VHL: variants seen among roughly 807,000 people sequenced by gnomAD.
The protein encoded by VHL is von Hippel-Lindau disease tumor suppressor.
In VHL, 10 loss-of-function variants were observed where a neutral mutation model predicts 19.2. The ratio of observed to expected loss-of-function variants is 0.52; its 90% confidence interval spans 0.32 to 0.89. The LOEUF (loss-of-function observed/expected upper bound fraction) is 0.89, where lower values mean the gene tolerates loss of function less well. VHL is among the 40% of genes least tolerant of loss of function. The pLI, the probability that VHL is intolerant of heterozygous loss-of-function variation, is 0.03. For missense variants in VHL, 328 were observed against 292.7 expected (o/e 1.12, Z -0.88); for synonymous variants, 167 against 129.5 (o/e 1.29, Z -1.97).
chr3:10,144,241 A>C (rs1425196249), intron 1 of VHL, among the ~76,000 whole-genome samples: 2 of 151,722 alleles, frequency 1.3e-5, no homozygotes, highest in African/African-American at 4.8e-5. Context: ...CTGAGGCAGG[A>C]GGATTTCTTG....
At position 10,152,739 on chromosome 3, in the gene VHL, C is replaced by T. The variant is rs2930789; in HGVS notation, c.*2774C>T. 6.6e-6 allele frequency among the ~76,000 whole-genome samples: 1 copy of T among 151,656 alleles called. No individual in the cohort carries two copies. Among genetic ancestry groups the T allele is most frequent in the East Asian group, 2.0e-4 (1 of 5,000 alleles). On this transcript the variant is annotated 3_prime_UTR_variant, in exon 3 of 3. Transcript: ENST00000256474. ...TCTCCTGACCTTGTGATCCACCCAC[C>T]TCAGCCTCCCAAAGTGCTGGGATTA...
chr3:10,150,449 G>A lies in VHL; in HGVS notation c.*484G>A. 2.3e-6 allele frequency: 2 copies of A among 854,266 alleles called. No individual in the cohort carries two copies. Among genetic ancestry groups the A allele is most frequent in the Non-Finnish European group, 3.1e-6 (2 of 655,282 alleles). 52.9% of individuals were successfully genotyped at this position (854,266 alleles called of 1,614,324 possible). A position where few individuals can be genotyped will look rare whatever the true frequency, so the allele number is the denominator to read the frequency against. Reference sequence around the variant, plus strand: ...TCTTTCTCCTCTTTGAGACCCCAGTGCCTGCACATCATGAGCCTTCAGTCA... The same window carrying A: ...TCTTTCTCCTCTTTGAGACCCCAGTACCTGCACATCATGAGCCTTCAGTCA... On this transcript the variant is annotated 3_prime_UTR_variant, in exon 3 of 3. Transcript: ENST00000256474.
At chr3:10,147,864 G>A (rs1020771468) in intron 2 of VHL, among the ~76,000 whole-genome samples, 1 of 152,036 alleles carries the variant, frequency 6.6e-6, no homozygotes, top group African/African-American at 2.4e-5. Context: ...GGCTATGGCG[G>A]GAGGGTCGCT....
At chr3:10,142,223 A>G in intron 1 of VHL, 36 bp downstream of exon 1, 1 of 1,582,552 alleles carries the variant, frequency 6.3e-7, no homozygotes, top group Non-Finnish European at 8.5e-7. Context: ...CCCAGCAGGG[A>G]CGATAGCACG....
chr3:10,152,270 G>C lies in VHL; in HGVS notation c.*2305G>C, dbSNP rs1172793507. The C allele has an allele frequency of 6.5e-6, 1 of 152,700 alleles. No homozygotes were observed. The allele number at this position is 152,700 out of a possible 1,614,324, so 9.5% of individuals were successfully genotyped here. A position where few individuals can be genotyped will look rare whatever the true frequency, so the allele number is the denominator to read the frequency against. The stretch of plus-strand genomic sequence containing the variant: ...TGTAATCCTAGCTACTCAGGAGGCT[G>C]AGGCAGGAGAATCACTTGAACCCAG... On this transcript the variant is annotated 3_prime_UTR_variant, in exon 3 of 3. Coordinates refer to ENST00000256474, the MANE Select transcript of VHL (RefSeq NM_000551.4).
rs564788050 is a variant in VHL at position 10,152,369 on chromosome 3, CA to C, written c.*2419del. The stretch of plus-strand genomic sequence containing the variant: ...GTGTGACAGAGCAATACTCTTGTCT[CA>C]AAAAAAAAAAAAAATTCAAATCAGA... On this transcript the variant is annotated 3_prime_UTR_variant, in exon 3 of 3. Coordinates refer to ENST00000256474, the MANE Select transcript of VHL (RefSeq NM_000551.4). 0.028 allele frequency: 2,992 copies of C among 107,898 alleles called. 24 individuals carry two copies. The highest frequency in any genetic ancestry group is 0.056 in the Middle Eastern group (10 of 180). 6.7% of individuals were successfully genotyped at this position (107,898 alleles called of 1,614,324 possible).
rs1166910853 is a variant in VHL at position 10,146,542 on chromosome 3, G to T, written c.369G>T (p.Gly123=). ...ACCTTTGGCTCTTCAGAGATGCAGG[G>T]ACACACGATGGGCTTCTGGTTAACC... ...RGHLWLFRDA[G]THDGLLVNQT... Residue 123 remains glycine, a synonymous_variant, in exon 2 of 3, where the codon GGG becomes GGT. Coordinates refer to ENST00000256474, the MANE Select transcript of VHL (RefSeq NM_000551.4). 3 of 1,614,010 alleles carry T rather than the reference G, an allele frequency of 1.9e-6. No homozygotes were observed. The South Asian group carries it at 3.3e-5, about 18-fold the overall frequency.
chr3:10,148,701 CAG>C (rs1262477081), intron 2 of VHL, among the ~76,000 whole-genome samples: 6 of 135,646 alleles, frequency 4.4e-5, no homozygotes, highest in African/African-American at 1.7e-4. Context: ...TTTTTTGAGA[CAG>C]AGTCTCACTG....
chr3:10,153,195 A>G lies in VHL; in HGVS notation c.*3230A>G, dbSNP rs1696459261. The stretch of plus-strand genomic sequence containing the variant: ...CGAGAGCCTGAGGCAGGAGAATGGC[A>G]TGAACCTGGAAGGCGGAGCTTGCAG... On this transcript the variant is annotated 3_prime_UTR_variant, in exon 3 of 3. Coordinates refer to ENST00000256474, the MANE Select transcript of VHL (RefSeq NM_000551.4). Among the ~76,000 whole-genome samples, 1 of 152,040 alleles carries G rather than the reference A, an allele frequency of 6.6e-6. No homozygotes were observed. Among genetic ancestry groups the G allele is most frequent in the Non-Finnish European group, 1.5e-5 (1 of 67,984 alleles).
At chr3:10,149,722 C>T (rs1035936860) in intron 2 of VHL, 65 bp from the exon 3 acceptor site, 2 of 1,431,162 alleles carry the variant, frequency 1.4e-6, no homozygotes, top group African/African-American at 2.8e-5. Context: ...TTGGCAAAGC[C>T]TCTTGTTCGT....
At chr3:10,147,579 G>T (rs1696293029) in intron 2 of VHL, among the ~76,000 whole-genome samples, 2 of 150,168 alleles carry the variant, frequency 1.3e-5, no homozygotes, top group Admixed American at 1.3e-4. Context: ...TGGCCAGGCT[G>T]ATCTTGAACT....
rs1304411472 is a variant in VHL, at chr3:10,150,663, C to G, written c.*698C>G. 1 of 234,848 alleles carries G rather than the reference C, an allele frequency of 4.3e-6. No individual in the cohort carries two copies. Among genetic ancestry groups the G allele is most frequent in the South Asian group, 1.8e-4 (1 of 5,686 alleles). 14.5% of individuals were successfully genotyped at this position (234,848 alleles called of 1,614,324 possible). A position where few individuals can be genotyped will look rare whatever the true frequency, so the allele number is the denominator to read the frequency against. The stretch of plus-strand genomic sequence containing the variant: ...AAGTCGTGCACTTTCTCGGTCCACT[C>G]TTGTTGAAGTGCTGTTTTATTACTG... On this transcript the variant is annotated 3_prime_UTR_variant, in exon 3 of 3. Coordinates refer to ENST00000256474, the MANE Select transcript of VHL (RefSeq NM_000551.4).
rs553552844 is a variant in VHL at position 10,152,637 on chromosome 3, C to T, written c.*2672C>T. On this transcript the variant is annotated 3_prime_UTR_variant, in exon 3 of 3. Coordinates refer to ENST00000256474, the MANE Select transcript of VHL (RefSeq NM_000551.4). ...CCTCCTGAGTAGCTGGGATTACAGG[C>T]GCCTGCCACCATGCCTGGCTAATTT... Among the ~76,000 whole-genome samples, 2 of 150,974 alleles carry T rather than the reference C, an allele frequency of 1.3e-5. No individual in the cohort carries two copies. The highest frequency in any genetic ancestry group is 6.6e-5 in the Admixed American group (1 of 15,146).
At position 10,150,363 on chromosome 3, in the gene VHL, G is replaced by T. The variant is rs1348824962; in HGVS notation, c.*398G>T. 1 of 1,223,494 alleles carries T rather than the reference G, an allele frequency of 8.2e-7. No homozygotes were observed. Among genetic ancestry groups the T allele is most frequent in the African/African-American group, 1.5e-5 (1 of 65,472 alleles). 75.8% of individuals were successfully genotyped at this position (1,223,494 alleles called of 1,614,324 possible). A position where few individuals can be genotyped will look rare whatever the true frequency, so the allele number is the denominator to read the frequency against. On this transcript the variant is annotated 3_prime_UTR_variant, in exon 3 of 3. Coordinates refer to ENST00000256474, the MANE Select transcript of VHL (RefSeq NM_000551.4). ...ATACATCCATTCTACATCCGTAGCG[G>T]TTGGTGACTTGTCTGCCTCCTGCTT...
rs1553619344 is a variant in VHL at position 10,141,955 on chromosome 3, G to A, written c.108G>A (p.Glu36=). The change falls in exon 1 of 3, where the codon GAG becomes GAA. Residue 36 remains glutamate, a synonymous_variant. Transcript: ENST00000256474. ...EEDGGEESGA[E]ESGPEESGPE... ...ACGGCGGGGAGGAGTCGGGCGCCGAGGAGTCCGGCCCGGAAGAGTCCGGCC... is the reference window on the plus strand; with the variant it reads ...ACGGCGGGGAGGAGTCGGGCGCCGAAGAGTCCGGCCCGGAAGAGTCCGGCC... The A allele has an allele frequency of 1.9e-6, 3 of 1,546,858 alleles. No individual in the cohort carries two copies. Among genetic ancestry groups the A allele is most frequent in the African/African-American group, 2.7e-5 (2 of 72,960 alleles).
In VHL at chr3:10,151,981, A is replaced by C. The variant is rs1407793301; in HGVS notation, c.*2016A>C. 2 of 168,500 alleles carry C rather than the reference A, an allele frequency of 1.2e-5. No individual in the cohort carries two copies. Among genetic ancestry groups the C allele is most frequent in the Non-Finnish European group, 2.5e-5 (2 of 79,424 alleles). The allele number at this position is 168,500 out of a possible 1,614,324, so 10.4% of individuals were successfully genotyped here. A position where few individuals can be genotyped will look rare whatever the true frequency, so the allele number is the denominator to read the frequency against. On this transcript the variant is annotated 3_prime_UTR_variant, in exon 3 of 3. Transcript: ENST00000256474. ...CAGGCTGAGGTGAGAAGATCATTGG[A>C]GTTTAGGAATTGGAGGCTGCAGTGA...
intron 2 of VHL, among the ~76,000 whole-genome samples, chr3:10,147,527 G>T (rs1264671998): frequency 6.6e-6 from 1 of 151,328 alleles, no homozygotes; most frequent in Non-Finnish European, 1.5e-5. Context: ...ACCACACCTG[G>T]CTAATTTTTG....
intron 2 of VHL, 86 bp downstream of exon 2, chr3:10,146,722 T>C: frequency 6.3e-7 from 1 of 1,579,970 alleles, no homozygotes; most frequent in Non-Finnish European, 8.7e-7. Flanking sequence ...CAGTTCTCAA[T>C]TTTTGCCTGA....
Position 10,141,998 on chromosome 3 carries a change from G to A in VHL, c.151G>A (p.Glu51Lys), listed in dbSNP as rs1480825246. The part of the protein sequence containing the change: ...EESGPEELGA[E>K]EEMEAGRPRP... ...GTCCGGCCCGGAGGAACTGGGCGCC[G>A]AGGAGGAGATGGAGGCCGGGCGGCC... The change falls in exon 1 of 3, where the codon GAG becomes AAG. Residue 51 changes from glutamate to lysine, a missense_variant. By Grantham distance (56) the Glu-to-Lys change is moderately conservative. Transcript: ENST00000256474. The A allele has an allele frequency of 2.5e-6, 4 of 1,580,702 alleles. No homozygotes were observed. The highest frequency in any genetic ancestry group is 1.8e-5 in the Admixed American group (1 of 54,866).
Sources: allele counts gnomAD v4.1 joint callset (sites outside exome capture counted in the v4.1 genomes callset), GRCh38; gene constraint gnomAD v4.1.1; transcripts MANE v1.5; gene names NCBI Gene and HGNC (gene_info 2026-07-23, HGNC 2026-07-21).